The following NRXN1 variants were observed in gnomAD, a reference collection of about 807,000 sequenced individuals.
The protein encoded by NRXN1 is neurexin-1.
A neutral mutation model predicts 150.9 loss-of-function variants in NRXN1; 39 were observed. The observed-to-expected ratio is 0.26, with a 90% CI of 0.20 to 0.34. The LOEUF (loss-of-function observed/expected upper bound fraction) is 0.34, where lower values mean the gene tolerates loss of function less well. Ranked by LOEUF, NRXN1 falls within the 10% of genes least tolerant of loss-of-function variation. The pLI, the probability that NRXN1 is intolerant of heterozygous loss-of-function variation, is 1.00. For synonymous variants in NRXN1, 924 were observed against 757.0 expected (o/e 1.22, Z -3.62); for missense variants, 1,815 against 1,949.9 (o/e 0.93, Z 1.30).
intron 8 of NRXN1, among the ~76,000 whole-genome samples, chr2:50,555,750 C>T (rs573069171): frequency 6.6e-5 from 10 of 152,226 alleles, no homozygotes; most frequent in South Asian, 4.1e-4. Flanking sequence ...TATGGTATTG[C>T]GGACCAATCT....
At chr2:50,278,262 T>C (rs2070867231) in intron 17 of NRXN1, among the ~76,000 whole-genome samples, 1 of 103,082 alleles carries the variant, frequency 9.7e-6, no homozygotes, top group East Asian at 2.3e-4. Context: ...ATATTATATA[T>C]ATTATATATG....
In NRXN1 at chr2:50,808,833, G is replaced by T. The variant is rs530534926; in HGVS notation, c.832+113036C>A. Among the ~76,000 whole-genome samples, 13 of 152,170 alleles carry T rather than the reference G, an allele frequency of 8.5e-5. No individual in the cohort carries two copies. In the East Asian group the frequency reaches 1.9e-3, roughly 23 times the overall value. Reference sequence around the variant, plus strand: ...CCTCACTTTCAACACATTAATTAAAGATCTTAGAACCATAACAAGCTTTAA... The same window carrying T: ...CCTCACTTTCAACACATTAATTAAATATCTTAGAACCATAACAAGCTTTAA... On this transcript the variant is annotated intron_variant, in intron 5 of 22. Transcript: ENST00000401669.
At chr2:50,057,908 G>T (rs1034649725) in intron 19 of NRXN1, among the ~76,000 whole-genome samples, 1 of 151,930 alleles carries the variant, frequency 6.6e-6, no homozygotes. Flanking sequence ...TTCATTATTT[G>T]TTTAATAATA....
chr2:50,447,737 T>TTATATATATATATATATATATATA (rs70948710), intron 17 of NRXN1, among the ~76,000 whole-genome samples: 7 of 37,926 alleles, frequency 1.8e-4, no homozygotes, highest in African/African-American at 3.3e-4. Context: ...CAGGGGAACG[T>TTATATATATATATATATATATATA]TATATATATA....
In NRXN1 at chr2:50,733,480, C is replaced by A. The variant is rs1303807084; in HGVS notation, c.833-109865G>T. 2.0e-5 allele frequency among the ~76,000 whole-genome samples: 3 copies of A among 152,104 alleles called. No individual in the cohort carries two copies. The East Asian group carries it at 5.8e-4, about 29-fold the overall frequency. ...CAAATAAGCATTAAGTGATTAATGC[C>A]CAATAGTGACCAATAAATAATTTAG... On this transcript the variant is annotated intron_variant, in intron 5 of 22. Coordinates refer to ENST00000401669, the MANE Select transcript of NRXN1 (RefSeq NM_001330078.2).
chr2:50,533,344 T>C (rs1299883350), intron 10 of NRXN1, among the ~76,000 whole-genome samples: 3 of 152,158 alleles, frequency 2.0e-5, no homozygotes, highest in African/African-American at 7.2e-5. Flanking sequence ...AATATTTCAA[T>C]TGGAATATTA....
At chr2:50,334,749 C>T (rs939689024) in intron 17 of NRXN1, among the ~76,000 whole-genome samples, 8 of 152,136 alleles carry the variant, frequency 5.3e-5, no homozygotes, top group South Asian at 2.1e-4. Flanking sequence ...TCTAGAAAAT[C>T]GCCTTCATTT....
chr2:50,731,643 C>G (rs1698126447), intron 5 of NRXN1, among the ~76,000 whole-genome samples: 1 of 151,986 alleles, frequency 6.6e-6, no homozygotes, highest in Admixed American at 6.6e-5. Flanking sequence ...ACTGCACACC[C>G]TAGAACTCAT....
chr2:50,599,636 TAA>T (rs1320433391), intron 8 of NRXN1, among the ~76,000 whole-genome samples: 2 of 152,168 alleles, frequency 1.3e-5, no homozygotes, highest in Admixed American at 6.5e-5. Context: ...GAAAATTATA[TAA>T]GTCAATATCC....
intron 2 of NRXN1, among the ~76,000 whole-genome samples, chr2:50,998,010 G>A (rs1699551762): frequency 7.1e-6 from 1 of 141,364 alleles, no homozygotes; most frequent in South Asian, 2.3e-4. Context: ...CTCCAGAGAA[G>A]CCAAATTTAG....
intron 17 of NRXN1, among the ~76,000 whole-genome samples, chr2:50,371,291 A>G (rs1446685731): frequency 1.3e-5 from 2 of 152,006 alleles, no homozygotes; most frequent in African/African-American, 4.8e-5. Flanking sequence ...ACTTAAGAAC[A>G]TGTTGCTTAC....
At chr2:51,002,544 G>A (rs551559166) in intron 2 of NRXN1, among the ~76,000 whole-genome samples, 1 of 151,880 alleles carries the variant, frequency 6.6e-6, no homozygotes, top group East Asian at 1.9e-4. Context: ...ATTTTCCAGT[G>A]CATATAAAGA....
intron 8 of NRXN1, chr2:50,588,966 T>C (rs1673643295): frequency 6.6e-6 from 1 of 152,198 alleles, no homozygotes; most frequent in Non-Finnish European, 1.5e-5. Flanking sequence ...GCTCAGACTA[T>C]GCCCATATAC....
At chr2:51,010,636 T>C (rs1667699689) in intron 2 of NRXN1, among the ~76,000 whole-genome samples, 1 of 152,022 alleles carries the variant, frequency 6.6e-6, no homozygotes, top group African/African-American at 2.4e-5. Context: ...GAGATGAAAC[T>C]GTTAAAGGAA....
intron 21 of NRXN1, among the ~76,000 whole-genome samples, chr2:49,960,479 T>C (rs145713900): frequency 6.6e-6 from 1 of 152,292 alleles, no homozygotes; most frequent in African/African-American, 2.4e-5. Context: ...GTACTCCCAA[T>C]ATGGAGTAGC....
At chr2:50,157,215 G>A (rs549259920) in intron 18 of NRXN1, among the ~76,000 whole-genome samples, 30 of 152,010 alleles carry the variant, frequency 2.0e-4, no homozygotes, top group Non-Finnish European at 3.7e-4. Flanking sequence ...TAACAGTGGA[G>A]GTAAGATATG....
At chr2:50,182,713 G>A (rs1396594058) in intron 18 of NRXN1, among the ~76,000 whole-genome samples, 2 of 151,858 alleles carry the variant, frequency 1.3e-5, no homozygotes, top group African/African-American at 2.4e-5. Flanking sequence ...TATTATACAG[G>A]GAGATACAAT....
At chr2:50,819,433 C>A (rs1574588330) in intron 5 of NRXN1, among the ~76,000 whole-genome samples, 1 of 152,072 alleles carries the variant, frequency 6.6e-6, no homozygotes, top group East Asian at 1.9e-4. Context: ...TCACAGGAGA[C>A]AAACATTGCA....
chr2:50,195,226 C>T (rs2061682057), intron 18 of NRXN1, among the ~76,000 whole-genome samples: 4 of 152,070 alleles, frequency 2.6e-5, no homozygotes, highest in South Asian at 4.1e-4. Context: ...ATATACATTC[C>T]GCTGGAGAAG....
Sources: gnomAD v4.1 joint callset for allele counts (sites outside exome capture counted in the v4.1 genomes callset) on GRCh38, gnomAD v4.1.1 for gene constraint, MANE v1.5 for transcripts, NCBI Gene and HGNC (gene_info 2026-07-23, HGNC 2026-07-21) for gene names.